MGA: variants seen among roughly 807,000 people sequenced by gnomAD.
MGA encodes MAX gene-associated protein.
MGA carries 40 observed loss-of-function variants against 261.1 expected under a neutral mutation model. The observed-to-expected ratio is 0.15, with a 90% CI of 0.12 to 0.20. MGA has a LOEUF of 0.20. Ranked by LOEUF, MGA falls within the 10% of genes least tolerant of loss-of-function variation. The pLI is 1.00. For missense variants in MGA, 3,397 were observed against 3,630.5 expected (o/e 0.94, Z 1.65); for synonymous variants, 1,302 against 1,290.6 (o/e 1.01, Z -0.19).
rs771491619 is a variant in MGA, at chr15:41,749,129, G to T, written c.5522G>T (p.Arg1841Leu). The change falls in exon 17 of 24, where the codon CGG becomes CTG. Residue 1841 changes from arginine (R) to leucine (L), a missense_variant. Physicochemically the swap from Arg to Leu is moderately radical, Grantham distance 102 (BLOSUM62 -2). Around this residue, in one of 9 missense-constraint regions of MGA, gnomAD observed 1,410 missense variants for 1,386.4 expected, o/e 1.02. Coordinates refer to ENST00000219905, the MANE Select transcript of MGA (RefSeq NM_001164273.2). ...AAACCAGGGTCTGTGATGGGAATCC[G>T]GTTACCTGCTCCTTCCAAACCCTCT... 1 of 1,611,964 alleles carries T rather than the reference G, an allele frequency of 6.2e-7. No individual in the cohort carries two copies. Among genetic ancestry groups the T allele is most frequent in the Non-Finnish European group, 8.5e-7 (1 of 1,178,480 alleles).
At chr15:41,697,746 T>C (rs1595764369) in intron 3 of MGA, among the ~76,000 whole-genome samples, 1 of 152,192 alleles carries the variant, frequency 6.6e-6, no homozygotes, top group East Asian at 1.9e-4. Context: ...TAGAGTACCA[T>C]TGGAGAACCA....
intron 9 of MGA, among the ~76,000 whole-genome samples, chr15:41,721,880 G>A (rs1019423765): frequency 2.0e-5 from 3 of 152,066 alleles, no homozygotes; most frequent in Admixed American, 6.6e-5. Context: ...TATTATATAA[G>A]AATATTTACA....
intron 5 of MGA, among the ~76,000 whole-genome samples, chr15:41,704,382 A>G (rs1397816858): frequency 6.6e-6 from 1 of 152,004 alleles, no homozygotes; most frequent in Non-Finnish European, 1.5e-5. Flanking sequence ...ATTAGCGGCC[A>G]GGCGCGGTGG....
chr15:41,669,997 G>T (rs1187682413), intron 2 of MGA, 39 bp downstream of exon 2: 1 of 1,503,622 alleles, frequency 6.7e-7, no homozygotes, highest in Non-Finnish European at 9.1e-7. Flanking sequence ...ATAAAAGGAA[G>T]ATTGAGATGG....
In MGA at chr15:41,696,884, C is replaced by T; in HGVS notation, c.1874C>T (p.Ala625Val). 1.9e-6 allele frequency: 3 copies of T among 1,597,674 alleles called. No homozygotes were observed. The highest frequency in any genetic ancestry group is 2.3e-5 in the South Asian group (2 of 88,212). Residue 625 changes from alanine (A) to valine (V), a missense_variant, in exon 3 of 24, where the codon GCA becomes GTA. Coordinates refer to ENST00000219905, the MANE Select transcript of MGA (RefSeq NM_001164273.2). ...CCACGAAAATTGAAACTCTGTAAGGCAGGACGACCACCTAAGAACACAGGA... is the reference window on the plus strand; with the variant it reads ...CCACGAAAATTGAAACTCTGTAAGGTAGGACGACCACCTAAGAACACAGGA...
chr15:41,664,744 TAGA>T, intron 1 of MGA, among the ~76,000 whole-genome samples: 1 of 152,318 alleles, frequency 6.6e-6, no homozygotes, highest in Non-Finnish European at 1.5e-5. Context: ...TACATCATTG[TAGA>T]GGTATTTTTT....
chr15:41,629,673 G>T lies in MGA; in HGVS notation c.-68+8375G>T, dbSNP rs78256903. 5.8e-4 allele frequency among the ~76,000 whole-genome samples: 88 copies of T among 152,154 alleles called. No individual in the cohort carries two copies. The East Asian group carries it at 0.01, about 18-fold the overall frequency. ...CAGCCTGGGTGGTTGAAGCTACAAT[G>T]AGCCATGATCATGCCACTGCACTCC... On this transcript the variant is annotated intron_variant, in intron 1 of 8. Transcript: ENST00000566718.
At position 41,769,104 on chromosome 15, in the gene MGA, C is replaced by T. The variant is rs1358975279; in HGVS notation, c.*1824C>T. On this transcript the variant is annotated 3_prime_UTR_variant, in exon 24 of 24. Coordinates refer to ENST00000219905, the MANE Select transcript of MGA (RefSeq NM_001164273.2). Reference sequence around the variant, plus strand: ...AGGAGTCCAGCACCTGTCTCCCCTGCTAATAATTGTCCTTAGAGATGCTAG... The same window carrying T: ...AGGAGTCCAGCACCTGTCTCCCCTGTTAATAATTGTCCTTAGAGATGCTAG... The T allele has an allele frequency of 6.6e-6, 1 of 152,586 alleles. No individual in the cohort carries two copies. Among genetic ancestry groups the T allele is most frequent in the Admixed American group, 6.5e-5 (1 of 15,270 alleles). 9.5% of individuals were successfully genotyped at this position (152,586 alleles called of 1,614,324 possible).
intron 1 of MGA, among the ~76,000 whole-genome samples, chr15:41,664,957 G>T (rs2057646475): frequency 6.6e-6 from 1 of 152,176 alleles, no homozygotes; most frequent in Admixed American, 6.5e-5. Flanking sequence ...CACATCAGAG[G>T]AGAGATTTTT....
chr15:41,703,082 AGTTTTT>A (rs2059930659), intron 5 of MGA, among the ~76,000 whole-genome samples: 5 of 152,024 alleles, frequency 3.3e-5, no homozygotes, highest in Admixed American at 2.6e-4. Context: ...AGATTTCCTT[AGTTTTT>A]ACCCAATGTC....
intron 15 of MGA, among the ~76,000 whole-genome samples, 162 bp downstream of exon 15, chr15:41,743,334 A>G (rs978276841): frequency 1.3e-5 from 2 of 152,238 alleles, no homozygotes; most frequent in African/African-American, 4.8e-5. Flanking sequence ...GCAAAACTGA[A>G]CACTAAAATT....
chr15:41,737,841 G>A (rs549270988), intron 13 of MGA, among the ~76,000 whole-genome samples: 76 of 151,928 alleles, frequency 5.0e-4, no homozygotes, highest in African/African-American at 6.5e-4. Flanking sequence ...TTAGCCCGGC[G>A]TGGTGGCGCG....
intron 1 of MGA, among the ~76,000 whole-genome samples, chr15:41,653,390 C>CAACA (rs1279776047): frequency 2.0e-5 from 3 of 148,570 alleles, no homozygotes; most frequent in South Asian, 2.2e-4. Context: ...CAACAAAAAA[C>CAACA]AACAAACAAA....
chr15:41,742,632 A>C lies in MGA; in HGVS notation c.4672A>C (p.Thr1558Pro). 1 of 1,613,940 alleles carries C rather than the reference A, an allele frequency of 6.2e-7. No individual in the cohort carries two copies. Among genetic ancestry groups the C allele is most frequent in the Non-Finnish European group, 8.5e-7 (1 of 1,179,878 alleles). The change falls in exon 15 of 24, where the codon ACA (threonine) becomes CCA (proline). Residue 1558 changes from threonine (T) to proline (P), a missense_variant. By Grantham distance (38) the Thr-to-Pro change is conservative. Transcript: ENST00000219905. ...GCAGCAGAAGATACCTGGAGTTAGC[A>C]CACCCCAAACCCTGGCAGGGACACA...
At chr15:41,624,405 C>T (rs1163532059) in intron 1 of MGA, among the ~76,000 whole-genome samples, 5 of 151,734 alleles carry the variant, frequency 3.3e-5, no homozygotes, top group Non-Finnish European at 7.4e-5. Context: ...ACTATGCCGC[C>T]GCCACCACGC....
At chr15:41,711,887 G>A (rs768340004) in intron 8 of MGA, among the ~76,000 whole-genome samples, 19 of 151,924 alleles carry the variant, frequency 1.3e-4, no homozygotes, top group Non-Finnish European at 2.6e-4. Flanking sequence ...GTAGAGACAC[G>A]TTTTCGCCAT....
chr15:41,696,434 C>G lies in MGA; in HGVS notation c.1424C>G (p.Ala475Gly). 1 of 1,613,962 alleles carries G rather than the reference C, an allele frequency of 6.2e-7. No homozygotes were observed. The highest frequency in any genetic ancestry group is 8.5e-7 in the Non-Finnish European group (1 of 1,179,886). ...CCAGTAGTCTATCTGGAGCCCTGTGCTGTCACCAGAAGCACAGTTAAGATT... is the reference window on the plus strand; with the variant it reads ...CCAGTAGTCTATCTGGAGCCCTGTGGTGTCACCAGAAGCACAGTTAAGATT... The change falls in exon 3 of 24, where the codon GCT (alanine) becomes GGT (glycine). Residue 475 changes from alanine to glycine, a missense_variant. Physicochemically the swap from Ala to Gly is moderately conservative, Grantham distance 60. Transcript: ENST00000219905.
At chr15:41,696,052 C>G in intron 2 of MGA, 23 bp from the exon 3 acceptor site, 1 of 1,492,206 alleles carries the variant, frequency 6.7e-7, no homozygotes. Flanking sequence ...CTTTTAAAAT[C>G]CCTTTCTCCT....
In MGA at chr15:41,766,153, G is replaced by A; in HGVS notation, c.8071G>A (p.Glu2691Lys). Reference sequence around the variant, plus strand: ...CCATCTGAAAGACACCGTCAGGAATGAAGATAATTCCTTAGAGGATAAGGG... The same window carrying A: ...CCATCTGAAAGACACCGTCAGGAATAAAGATAATTCCTTAGAGGATAAGGG... Residue 2691 changes from glutamate to lysine, a missense_variant, in exon 24 of 24, where the codon GAA becomes AAA. By Grantham distance (56) the Glu-to-Lys change is moderately conservative. Transcript: ENST00000219905. 1 of 1,614,010 alleles carries A rather than the reference G, an allele frequency of 6.2e-7. No homozygotes were observed. Among genetic ancestry groups the A allele is most frequent in the Non-Finnish European group, 8.5e-7 (1 of 1,179,892 alleles).
Sources: allele counts gnomAD v4.1 joint callset (sites outside exome capture counted in the v4.1 genomes callset), GRCh38; gene constraint gnomAD v4.1.1; regional missense constraint gnomAD v4.1.1; transcripts MANE v1.5; gene names NCBI Gene and HGNC (gene_info 2026-07-23, HGNC 2026-07-21).